The following PPP2R2B variants were observed in gnomAD, a reference collection of about 807,000 sequenced individuals.
PPP2R2B encodes the protein serine/threonine-protein phosphatase 2A 55 kDa regulatory subunit B beta isoform.
A neutral mutation model predicts 46.0 loss-of-function variants in PPP2R2B; 5 were observed. The observed-to-expected ratio is 0.11, with a 90% confidence interval of 0.06 to 0.23. PPP2R2B has a LOEUF of 0.23. PPP2R2B is among the 10% of genes least tolerant of loss of function. The pLI is 1.00. For synonymous variants in PPP2R2B, 215 were observed against 206.7 expected (o/e 1.04, Z -0.34); for missense variants, 367 against 575.0 (o/e 0.64, Z 3.70).
chr5:146,946,950 A>C (rs1764503658), intron 1 of PPP2R2B, among the ~76,000 whole-genome samples: 1 of 152,038 alleles, frequency 6.6e-6, no homozygotes, highest in South Asian at 2.1e-4. Context: ...GGTGTTTCTC[A>C]AGAAAGCCAA....
chr5:147,012,763 G>T (rs1369192028), intron 1 of PPP2R2B, among the ~76,000 whole-genome samples: 1 of 151,722 alleles, frequency 6.6e-6, no homozygotes, highest in East Asian at 1.9e-4. Flanking sequence ...GCGTCCCAGA[G>T]ATTCTGGTAT....
At chr5:146,941,222 C>A (rs1056977090) in intron 1 of PPP2R2B, among the ~76,000 whole-genome samples, 19 of 152,132 alleles carry the variant, frequency 1.2e-4, no homozygotes, top group Non-Finnish European at 2.4e-4. Flanking sequence ...CTTTCTTCTC[C>A]CCAACAAATG....
intron 1 of PPP2R2B, among the ~76,000 whole-genome samples, chr5:147,041,602 A>G (rs902928829): frequency 1.7e-4 from 18 of 104,082 alleles, no homozygotes; most frequent in Non-Finnish European, 6.9e-5. Context: ...TTCTTGAAGT[A>G]TTACACTTAG....
At position 146,580,830 on chromosome 5, in the gene PPP2R2B, G is replaced by A. The variant is rs553541130; in HGVS notation, c.*9117C>T. On this transcript the variant is annotated 3_prime_UTR_variant, in exon 10 of 10. Coordinates refer to ENST00000394411, the MANE Select transcript of PPP2R2B (RefSeq NM_181675.4). ...TGAAGCCTCTCCAGAGTTTCTCTTG[G>A]GACACCGTGGGATTCATTTGAGAAC... Among the ~76,000 whole-genome samples, 1 of 151,986 alleles carries A rather than the reference G, an allele frequency of 6.6e-6. No homozygotes were observed. The highest frequency in any genetic ancestry group is 1.9e-4 in the East Asian group (1 of 5,172).
In PPP2R2B at chr5:146,584,087, T is replaced by G. The variant is rs557172612; in HGVS notation, c.*5860A>C. On this transcript the variant is annotated 3_prime_UTR_variant, in exon 10 of 10. Coordinates refer to ENST00000394411, the MANE Select transcript of PPP2R2B (RefSeq NM_181675.4). Reference sequence around the variant, plus strand: ...TCACCCAGGAAAACCCAGGTTGACTTTTTGGGGAATGAGCAGCAGGGGCGG... The same window carrying G: ...TCACCCAGGAAAACCCAGGTTGACTGTTTGGGGAATGAGCAGCAGGGGCGG... 1 of 152,318 alleles carries G rather than the reference T, an allele frequency of 6.6e-6. No homozygotes were observed. 9.4% of individuals were successfully genotyped at this position (152,318 alleles called of 1,614,324 possible).
intron 8 of PPP2R2B, among the ~76,000 whole-genome samples, chr5:146,593,355 G>C (rs1262644718): frequency 1.3e-5 from 2 of 152,180 alleles, no homozygotes; most frequent in African/African-American, 4.8e-5. Flanking sequence ...TTTGCTCACA[G>C]GCATTAGAGA....
intron 2 of PPP2R2B, among the ~76,000 whole-genome samples, chr5:146,846,104 G>A (rs62373278): frequency 0.093 from 14,177 of 152,200 alleles, 917 homozygotes; most frequent in East Asian, 0.22. Flanking sequence ...ATCTGGCCAG[G>A]TGCAGTGGCT....
At chr5:147,081,372 G>C in exon 1 of PPP2R2B, 1 of 1,421,956 alleles carries the variant, frequency 7.0e-7, no homozygotes, top group Non-Finnish European at 9.6e-7. Context: ...ACCAGGCCAG[G>C]ACCAGTTTGA....
intron 2 of PPP2R2B, among the ~76,000 whole-genome samples, chr5:146,733,047 T>C (rs1752324229): frequency 6.6e-6 from 1 of 152,192 alleles, no homozygotes; most frequent in Non-Finnish European, 1.5e-5. Flanking sequence ...TATTCTTGGC[T>C]CTAGATACAG....
At chr5:146,906,465 GGCAT>G (rs1450510621) in intron 1 of PPP2R2B, among the ~76,000 whole-genome samples, 3 of 152,154 alleles carry the variant, frequency 2.0e-5, no homozygotes, top group Non-Finnish European at 4.4e-5. Context: ...TGGGATTACA[GGCAT>G]GCGCCACCAC....
In PPP2R2B at chr5:146,600,341, C is replaced by T. The variant is rs369931023; in HGVS notation, c.910G>A (p.Val304Ile). 3.0e-5 allele frequency: 48 copies of T among 1,613,888 alleles called. No individual in the cohort carries two copies. Among genetic ancestry groups the T allele is most frequent in the East Asian group, 6.7e-5 (3 of 44,872 alleles). Residue 304 changes from valine to isoleucine, a missense_variant, in exon 8 of 10, where the codon GTC becomes ATC. Around this residue, in one of 2 missense-constraint regions of PPP2R2B, gnomAD observed 361 missense variants for 545.5 expected, o/e 0.66. Transcript: ENST00000394411. ...RYIMTRDYLT[V>I]KVWDLNMENR... is the part of the protein sequence containing the mutation. The stretch of plus-strand genomic sequence containing the variant: ...TCCATGTTGAGATCCCAGACTTTGA[C>T]GGTCAAGTAGTCCCTGGTCATGATA...
At chr5:146,752,210 T>C (rs1753598048) in intron 2 of PPP2R2B, among the ~76,000 whole-genome samples, 4 of 152,112 alleles carry the variant, frequency 2.6e-5, no homozygotes, top group Admixed American at 2.6e-4. Context: ...GTAGAGATAC[T>C]GTAGGGTTGC....
chr5:146,976,039 C>T (rs1348249951), intron 1 of PPP2R2B, among the ~76,000 whole-genome samples: 1 of 151,386 alleles, frequency 6.6e-6, no homozygotes, highest in Non-Finnish European at 1.5e-5. Flanking sequence ...TCCAAGAAAT[C>T]ATTGCCAAAT....
chr5:146,966,682 G>A (rs1315938749), intron 1 of PPP2R2B, among the ~76,000 whole-genome samples: 1 of 152,050 alleles, frequency 6.6e-6, no homozygotes, highest in Non-Finnish European at 1.5e-5. Flanking sequence ...ATTCCTTTAC[G>A]TATCCCTCGT....
intron 1 of PPP2R2B, among the ~76,000 whole-genome samples, chr5:146,935,863 C>G (rs1285521075): frequency 6.6e-6 from 1 of 152,126 alleles, no homozygotes; most frequent in South Asian, 2.1e-4. Context: ...TCAGATAGAG[C>G]TGGGTTTGAT....
At chr5:146,831,574 G>A (rs1758944330) in intron 2 of PPP2R2B, among the ~76,000 whole-genome samples, 1 of 145,432 alleles carries the variant, frequency 6.9e-6, no homozygotes, top group South Asian at 2.2e-4. Flanking sequence ...ATTTACCTAT[G>A]TAACAAACCT....
At chr5:146,675,881 C>T (rs374584586) in intron 5 of PPP2R2B, among the ~76,000 whole-genome samples, 4 of 151,904 alleles carry the variant, frequency 2.6e-5, no homozygotes, top group Non-Finnish European at 5.9e-5. Flanking sequence ...ATTTATATGT[C>T]GTAAGCAGTT....
At chr5:147,028,564 C>G (rs2151889877) in intron 1 of PPP2R2B, among the ~76,000 whole-genome samples, 1 of 152,268 alleles carries the variant, frequency 6.6e-6, no homozygotes. Context: ...AAATATCTCA[C>G]AATTTACTTG....
At chr5:147,043,158 C>CTT (rs1580847452) in intron 1 of PPP2R2B, among the ~76,000 whole-genome samples, 1 of 151,966 alleles carries the variant, frequency 6.6e-6, no homozygotes, top group African/African-American at 2.4e-5. Context: ...GGCTGAACTC[C>CTT]TGAAGACAAC....
Sources: gnomAD v4.1 joint callset for allele counts (sites outside exome capture counted in the v4.1 genomes callset) on GRCh38, gnomAD v4.1.1 for gene constraint, gnomAD v4.1.1 regional missense constraint, MANE v1.5 for transcripts, NCBI Gene and HGNC (gene_info 2026-07-23, HGNC 2026-07-21) for gene names.